The following ARHGEF4 variants were observed in gnomAD, a reference collection of about 807,000 sequenced individuals.
ARHGEF4 encodes Rho guanine nucleotide exchange factor 4.
A neutral mutation model predicts 162.0 loss-of-function variants in ARHGEF4; 119 were observed. That is an observed-to-expected ratio of 0.73 (90% CI 0.63 to 0.86). The LOEUF (loss-of-function observed/expected upper bound fraction) is 0.86. Ranked by LOEUF, ARHGEF4 falls within the 40% of genes least tolerant of loss-of-function variation. The probability of loss-of-function intolerance (pLI) is 0.00; values close to 1 mark genes in which losing one functional copy is unlikely to be tolerated. For missense variants in ARHGEF4, 2,488 were observed against 2,456.0 expected (o/e 1.01, Z -0.28); for synonymous variants, 1,014 against 979.9 (o/e 1.03, Z -0.65).
chr2:130,882,739 G>A (rs1053026271), intron 1 of ARHGEF4, among the ~76,000 whole-genome samples: 5 of 151,788 alleles, frequency 3.3e-5, no homozygotes, highest in East Asian at 1.9e-4. Flanking sequence ...ACCCTCTCTC[G>A]GAGATTTTTC....
At chr2:130,976,103 G>A (rs182738398) in intron 4 of ARHGEF4, among the ~76,000 whole-genome samples, 205 of 152,326 alleles carry the variant, frequency 1.3e-3, no homozygotes, top group African/African-American at 4.7e-3. Context: ...TGTGAAACAA[G>A]TGAGGGAATG....
At chr2:131,027,251 CAG>C (rs1222936493) in intron 4 of ARHGEF4, among the ~76,000 whole-genome samples, 2 of 152,232 alleles carry the variant, frequency 1.3e-5, no homozygotes, top group African/African-American at 4.8e-5. Context: ...GCTACACACA[CAG>C]TTGAGTGAAA....
At chr2:130,981,657 CA>C (rs1293791852) in intron 4 of ARHGEF4, among the ~76,000 whole-genome samples, 1,072 of 74,586 alleles carry the variant, frequency 0.014, 8 homozygotes, top group African/African-American at 0.035. Flanking sequence ...GACTCCATCT[CA>C]AAAAAAAAAA....
At chr2:130,936,797 G>A (rs1682967268) in intron 3 of ARHGEF4, among the ~76,000 whole-genome samples, 1 of 151,500 alleles carries the variant, frequency 6.6e-6, no homozygotes, top group Non-Finnish European at 1.5e-5. Flanking sequence ...TGAGCTTCTT[G>A]GATGTGTAGA....
rs146128742 is a variant in ARHGEF4, at chr2:130,945,133, G to T, written c.3859-1376G>T. Among the ~76,000 whole-genome samples the T allele has an allele frequency of 4.6e-5, 7 of 152,010 alleles. No individual in the cohort carries two copies. In the East Asian group the frequency reaches 1.4e-3, roughly 29 times the overall value. On this transcript the variant is annotated intron_variant, in intron 3 of 13. Transcript: ENST00000409359. ...GGGTCAGATCCACTCATACAGCTTG[G>T]GGGTAAGTGCGGGAACTCATACACA...
intron 4 of ARHGEF4, among the ~76,000 whole-genome samples, chr2:130,970,957 T>C (rs1433218287): frequency 6.6e-6 from 1 of 152,238 alleles, no homozygotes; most frequent in Non-Finnish European, 1.5e-5. Flanking sequence ...TAAAACATAC[T>C]TTTGGTGTAC....
intron 4 of ARHGEF4, among the ~76,000 whole-genome samples, chr2:131,009,067 T>A (rs76883905): frequency 6.7e-4 from 102 of 152,370 alleles, no homozygotes; most frequent in African/African-American, 2.4e-3. Context: ...CTTCACTTAA[T>A]GTTTCTTGTA....
intron 3 of ARHGEF4, among the ~76,000 whole-genome samples, chr2:130,936,845 T>G (rs1315167218): frequency 6.6e-6 from 1 of 152,068 alleles, no homozygotes; most frequent in African/African-American, 2.4e-5. Flanking sequence ...TTTCCACAAT[T>G]ATTTCTTCAG....
At chr2:130,855,483 C>G (rs577085754) in intron 1 of ARHGEF4, among the ~76,000 whole-genome samples, 3 of 152,174 alleles carry the variant, frequency 2.0e-5, no homozygotes, top group South Asian at 2.1e-4. Context: ...TCCAGGTGTC[C>G]CCTCCTAGGA....
chr2:130,958,122 C>T (rs919623329), intron 4 of ARHGEF4, among the ~76,000 whole-genome samples: 2 of 151,958 alleles, frequency 1.3e-5, no homozygotes, highest in Admixed American at 6.6e-5. Flanking sequence ...CAGTAACAGA[C>T]GGCTTCCTGA....
chr2:131,027,243 T>C (rs1482241730), intron 4 of ARHGEF4, among the ~76,000 whole-genome samples: 1 of 152,172 alleles, frequency 6.6e-6, no homozygotes, highest in African/African-American at 2.4e-5. Flanking sequence ...CAATCACAGC[T>C]ACACACACAG....
intron 4 of ARHGEF4, among the ~76,000 whole-genome samples, chr2:131,018,618 C>G (rs768792323): frequency 3.3e-5 from 5 of 152,098 alleles, no homozygotes; most frequent in Non-Finnish European, 7.4e-5. Context: ...TTCAATTTAC[C>G]TATTTTTTTC....
chr2:130,900,424 A>C (rs1403790268), intron 1 of ARHGEF4, among the ~76,000 whole-genome samples: 1 of 152,178 alleles, frequency 6.6e-6, no homozygotes, highest in African/African-American at 2.4e-5. Context: ...TAGATCTTAA[A>C]TTATTGGCTT....
At chr2:131,011,820 T>C in intron 4 of ARHGEF4, 1 of 751,844 alleles carries the variant, frequency 1.3e-6, no homozygotes, top group South Asian at 1.5e-5. Flanking sequence ...CTCAGGGTAT[T>C]GTGCAGAGGG....
At chr2:130,855,357 C>T (rs1021974642) in intron 1 of ARHGEF4, among the ~76,000 whole-genome samples, 1 of 152,068 alleles carries the variant, frequency 6.6e-6, no homozygotes, top group Non-Finnish European at 1.5e-5. Context: ...ATGAGTGTAA[C>T]TCTGAAAAGC....
intron 4 of ARHGEF4, chr2:131,012,008 G>T: frequency 1.5e-6 from 1 of 680,000 alleles, no homozygotes; most frequent in Non-Finnish European, 2.7e-6. Context: ...TGAACTGAAA[G>T]AAAGACAGGC....
At chr2:130,887,271 C>T (rs942001044) in intron 1 of ARHGEF4, among the ~76,000 whole-genome samples, 1 of 151,338 alleles carries the variant, frequency 6.6e-6, no homozygotes, top group Non-Finnish European at 1.5e-5. Context: ...GTCAAGGCTA[C>T]AATGAGCCAT....
chr2:130,957,794 C>T (rs1684380621), intron 4 of ARHGEF4, among the ~76,000 whole-genome samples: 2 of 152,046 alleles, frequency 1.3e-5, no homozygotes, highest in Non-Finnish European at 2.9e-5. Flanking sequence ...AATGTGAAAT[C>T]GGTAGTCTGC....
At chr2:131,022,628 G>A (rs1689205998) in intron 4 of ARHGEF4, among the ~76,000 whole-genome samples, 1 of 146,102 alleles carries the variant, frequency 6.8e-6, no homozygotes, top group African/African-American at 2.5e-5. Context: ...TGATGAAAAT[G>A]AACCTTGACT....
Sources: gnomAD v4.1 joint callset for allele counts (sites outside exome capture counted in the v4.1 genomes callset) on GRCh38, gnomAD v4.1.1 for gene constraint, MANE v1.5 for transcripts, NCBI Gene and HGNC (gene_info 2026-07-23, HGNC 2026-07-21) for gene names.